Variants in CSMD1 observed in about 807,000 individuals in gnomAD.
CSMD1 encodes CUB and Sushi multiple domains 1.
In CSMD1, 213 loss-of-function variants were observed where a neutral mutation model predicts 417.5. The observed-to-expected ratio is 0.51, with a 90% CI of 0.46 to 0.57. The LOEUF is 0.57. CSMD1 is among the 20% of genes least tolerant of loss of function. CSMD1 has a pLI of 0.00. For missense variants in CSMD1, 6,923 were observed against 4,529.7 expected (o/e 1.53, Z -15.17); for synonymous variants, 2,862 against 1,736.8 (o/e 1.65, Z -16.11).
At chr8:3,115,978 T>A (rs1212663971) in intron 42 of CSMD1, among the ~76,000 whole-genome samples, 1 of 152,196 alleles carries the variant, frequency 6.6e-6, no homozygotes, top group Non-Finnish European at 1.5e-5. Flanking sequence ...ATAAAATACA[T>A]GTTACATGAA....
chr8:3,297,974 A>T (rs1447934132), intron 25 of CSMD1, among the ~76,000 whole-genome samples: 4 of 152,218 alleles, frequency 2.6e-5, no homozygotes. Context: ...GATATTCAAA[A>T]GGCCAATAAA....
chr8:3,847,266 G>T (rs10100118), intron 5 of CSMD1, among the ~76,000 whole-genome samples: 1 of 152,098 alleles, frequency 6.6e-6, no homozygotes, highest in East Asian at 1.9e-4. Flanking sequence ...TCCCTAATCA[G>T]TTGATTTTTA....
intron 7 of CSMD1, among the ~76,000 whole-genome samples, chr8:3,637,765 G>C (rs1478359229): frequency 2.0e-5 from 3 of 152,116 alleles, no homozygotes; most frequent in Non-Finnish European, 4.4e-5. Flanking sequence ...TTGAATTGTA[G>C]CTCCCATAAT....
At chr8:4,288,169 T>G (rs562010505) in intron 3 of CSMD1, among the ~76,000 whole-genome samples, 7 of 152,018 alleles carry the variant, frequency 4.6e-5, no homozygotes, top group Non-Finnish European at 5.9e-5. Flanking sequence ...CACTAGAGAG[T>G]AGAACACTTT....
chr8:3,385,264 T>C (rs1185650033), intron 18 of CSMD1, among the ~76,000 whole-genome samples: 2 of 149,614 alleles, frequency 1.3e-5, no homozygotes, highest in African/African-American at 4.9e-5. Context: ...TACATGTGTA[T>C]GTATGAATAT....
At chr8:3,500,034 T>C (rs1268764627) in intron 10 of CSMD1, among the ~76,000 whole-genome samples, 1 of 152,080 alleles carries the variant, frequency 6.6e-6, no homozygotes, top group Non-Finnish European at 1.5e-5. Flanking sequence ...TACAGGCATC[T>C]GGGGTGGGAG....
intron 5 of CSMD1, among the ~76,000 whole-genome samples, chr8:3,831,955 T>C (rs531686937): frequency 5.5e-4 from 83 of 152,212 alleles, no homozygotes; most frequent in African/African-American, 1.2e-3. Flanking sequence ...GTTTGCAGAG[T>C]GTATTAGGTT....
chr8:4,177,839 A>G (rs1279730732), intron 3 of CSMD1, among the ~76,000 whole-genome samples: 2 of 151,808 alleles, frequency 1.3e-5, no homozygotes, highest in South Asian at 2.1e-4. Flanking sequence ...TAAGAAATGG[A>G]TAAATTCCTC....
chr8:4,087,172 C>G (rs1000780366), intron 3 of CSMD1, among the ~76,000 whole-genome samples: 1 of 152,174 alleles, frequency 6.6e-6, no homozygotes, highest in East Asian at 1.9e-4. Context: ...TTCTCACCTC[C>G]TTTCAGGGCA....
In CSMD1 at chr8:2,962,459, T is replaced by C. The variant is rs749638408; in HGVS notation, c.9628+7A>G. On this transcript the variant is annotated splice_region_variant and intron_variant, in intron 61 of 69. Coordinates refer to ENST00000635120, the MANE Select transcript of CSMD1 (RefSeq NM_033225.6). Reference sequence around the variant, plus strand: ...AGGTATCCCCAGAGCTGTATGATAATTATTACCAATGCAGGTGGGTTGTAT... The same window carrying C: ...AGGTATCCCCAGAGCTGTATGATAACTATTACCAATGCAGGTGGGTTGTAT... 1.4e-5 allele frequency: 22 copies of C among 1,611,452 alleles called. No homozygotes were observed. The African/African-American group carries it at 1.9e-4, about 14-fold the overall frequency.
intron 8 of CSMD1, among the ~76,000 whole-genome samples, chr8:3,600,065 G>A (rs771998404): frequency 3.9e-5 from 6 of 152,176 alleles, no homozygotes; most frequent in Non-Finnish European, 8.8e-5. Context: ...AGCTGGTTCT[G>A]AATGCTTGCT....
intron 26 of CSMD1, among the ~76,000 whole-genome samples, chr8:3,270,046 C>CTTTTTTTTTT (rs200994813): frequency 3.1e-4 from 37 of 118,392 alleles, no homozygotes; most frequent in Non-Finnish European, 4.1e-4. Flanking sequence ...CTAACCTCTT[C>CTTTTTTTTTT]TTTTTTTTTT....
At chr8:4,115,691 C>T (rs997481512) in intron 3 of CSMD1, among the ~76,000 whole-genome samples, 16 of 152,034 alleles carry the variant, frequency 1.1e-4, no homozygotes, top group African/African-American at 3.9e-4. Context: ...CCAAGGTGCC[C>T]TGTAAGAGGT....
chr8:3,155,159 G>A (rs1213527778), intron 39 of CSMD1, among the ~76,000 whole-genome samples: 2 of 151,902 alleles, frequency 1.3e-5, no homozygotes, highest in African/African-American at 4.8e-5. Context: ...CAAAGTGACA[G>A]CAAAGGCATA....
intron 5 of CSMD1, among the ~76,000 whole-genome samples, chr8:3,829,305 C>T (rs1486631495): frequency 6.6e-6 from 1 of 152,126 alleles, no homozygotes; most frequent in Non-Finnish European, 1.5e-5. Flanking sequence ...TGAGCTACTT[C>T]ACTTATTCTA....
chr8:4,239,012 T>G (rs1248915854), intron 3 of CSMD1, among the ~76,000 whole-genome samples: 2 of 152,200 alleles, frequency 1.3e-5, no homozygotes, highest in East Asian at 3.9e-4. Flanking sequence ...GCTACAGGAT[T>G]AGGTTCGAAA....
chr8:3,380,752 G>C (rs1003906269), intron 18 of CSMD1, among the ~76,000 whole-genome samples: 1 of 152,086 alleles, frequency 6.6e-6, no homozygotes, highest in Non-Finnish European at 1.5e-5. Flanking sequence ...AGAATGCAGG[G>C]CTAGGGGAGG....
chr8:3,713,533 G>A (rs954519259), intron 6 of CSMD1, among the ~76,000 whole-genome samples: 3 of 151,782 alleles, frequency 2.0e-5, no homozygotes, highest in South Asian at 2.1e-4. Flanking sequence ...CCAGACATCT[G>A]CCTTCCTCAA....
chr8:4,893,799 A>T (rs1010348050), intron 1 of CSMD1, among the ~76,000 whole-genome samples: 1 of 152,142 alleles, frequency 6.6e-6, no homozygotes, highest in Non-Finnish European at 1.5e-5. Flanking sequence ...TCAGATTCCA[A>T]TGTCTTTTTA....
Sources: allele counts gnomAD v4.1 joint callset (sites outside exome capture counted in the v4.1 genomes callset), GRCh38; gene constraint gnomAD v4.1.1; transcripts MANE v1.5; gene names NCBI Gene and HGNC (gene_info 2026-07-23, HGNC 2026-07-21).